TECR: variants seen among roughly 807,000 people sequenced by gnomAD.
The protein encoded by TECR is trans-2,3-enoyl-CoA reductase.
A neutral mutation model predicts 50.6 loss-of-function variants in TECR; 19 were observed. That is an observed-to-expected ratio of 0.38 (90% CI 0.26 to 0.55). The LOEUF (loss-of-function observed/expected upper bound fraction) is 0.55. Among genes scored for constraint, TECR ranks in the 20% least tolerant of loss-of-function variants. TECR has a pLI of 0.79. For missense variants in TECR, 313 were observed against 408.3 expected, an observed-to-expected ratio of 0.77 and a Z score of 2.01; for synonymous variants, 168 against 163.5, an observed-to-expected ratio of 1.03 and a Z score of -0.21.
rs544400801 is a variant in TECR at position 14,547,827 on chromosome 19, CT to C, written c.16-14694del. ...GGTGCATACCACCTACAGCCGGCTA[CT>C]TTTGTTTTTTTTTGGTAGAAATGGG... is the stretch of plus-strand genomic sequence containing the variant. On this transcript the variant is annotated intron_variant, in intron 1 of 12. Transcript: ENST00000215567. Among the ~76,000 whole-genome samples, 494 of 151,528 alleles carry C rather than the reference CT, an allele frequency of 3.3e-3. 4 individuals carry two copies. Among genetic ancestry groups the C allele is most frequent in the African/African-American group, 0.011 (460 of 41,286 alleles).
intron 1 of TECR, among the ~76,000 whole-genome samples, chr19:14,541,154 TC>T (rs2146574034): frequency 6.6e-6 from 1 of 152,266 alleles, no homozygotes; most frequent in East Asian, 1.9e-4. Flanking sequence ...AAAGGATTTT[TC>T]TTGGTAGAGA....
upstream of TECR, chr19:14,529,106 AG>A (rs1427279722): frequency 6.2e-6 from 1 of 160,640 alleles, no homozygotes; most frequent in African/African-American, 2.4e-5. Context: ...CCCACTCAAG[AG>A]TCTCCTCCCA....
At chr19:14,553,943 C>T (rs375113775) in intron 1 of TECR, among the ~76,000 whole-genome samples, 25 of 152,306 alleles carry the variant, frequency 1.6e-4, no homozygotes, top group Middle Eastern at 3.4e-3. Context: ...CCAGCCAGGC[C>T]TCTTGTGCCC....
intron 1 of TECR, among the ~76,000 whole-genome samples, chr19:14,550,382 C>T (rs955994444): frequency 6.6e-6 from 1 of 152,152 alleles, no homozygotes; most frequent in South Asian, 2.1e-4. Flanking sequence ...GGTGGACTAA[C>T]CTGTCTGCTG....
chr19:14,538,976 A>ATTT (rs869186799), intron 1 of TECR, among the ~76,000 whole-genome samples: 1 of 132,952 alleles, frequency 7.5e-6, no homozygotes, highest in Non-Finnish European at 1.6e-5. Flanking sequence ...TGCAAGTCAC[A>ATTT]TTTTTTTTTT....
At chr19:14,561,958 T>C (rs4926133) in intron 1 of TECR, 115,850 of 199,986 alleles carry the variant, frequency 0.58, 35,164 homozygotes, top group African/African-American at 0.77. Context: ...CACTCTCCTC[T>C]AGCCACTGGC....
intron 1 of TECR, among the ~76,000 whole-genome samples, chr19:14,545,567 C>T (rs1235695367): frequency 6.6e-6 from 1 of 152,232 alleles, no homozygotes; most frequent in Admixed American, 6.5e-5. Context: ...CCTTGGATCG[C>T]TGCCCGCACG....
chr19:14,534,817 G>T (rs143135005), intron 1 of TECR, among the ~76,000 whole-genome samples: 2 of 152,304 alleles, frequency 1.3e-5, no homozygotes, highest in East Asian at 3.9e-4. Context: ...GCTCAGAGAG[G>T]TAAACTAAGC....
At position 14,558,432 on chromosome 19, in the gene TECR, G is replaced by A. The variant is rs954247489; in HGVS notation, c.16-4093G>A. Reference sequence around the variant, plus strand: ...CTCCCTCTTGCAGGGTGCGCTTCACGCCGCACCGTGTGTCCTGGCTCTTGG... The same window carrying A: ...CTCCCTCTTGCAGGGTGCGCTTCACACCGCACCGTGTGTCCTGGCTCTTGG... On this transcript the variant is annotated intron_variant, in intron 1 of 12. Coordinates refer to ENST00000215567, the MANE Select transcript of TECR (RefSeq NM_138501.6). Among the ~76,000 whole-genome samples the A allele has an allele frequency of 3.3e-5, 5 of 152,120 alleles. No homozygotes were observed. In the East Asian group the frequency reaches 5.8e-4, roughly 18 times the overall value.
upstream of TECR, chr19:14,529,321 A>C (rs1487323089): frequency 2.4e-6 from 1 of 417,806 alleles, no homozygotes; most frequent in South Asian, 2.4e-5. Context: ...CTTGGTTTCC[A>C]CAGCGACGCC....
At position 14,564,756 on chromosome 19, in the gene TECR, A is replaced by G. The variant is rs755753669; in HGVS notation, c.490-30A>G. On this transcript the variant is annotated intron_variant, in intron 7 of 12. Coordinates refer to ENST00000215567, the MANE Select transcript of TECR (RefSeq NM_138501.6). ...CATCTGCCTTGTCCGGTGCTGGCCC[A>G]AGTCCCATCCCTGCCCTGCTCCCTT... 1.6e-5 allele frequency: 26 copies of G among 1,597,116 alleles called. 1 individual carries two copies. The Admixed American group carries it at 3.7e-4, about 23-fold the overall frequency.
intron 1 of TECR, among the ~76,000 whole-genome samples, chr19:14,534,962 C>G (rs559656157): frequency 5.9e-5 from 9 of 152,272 alleles, no homozygotes; most frequent in Admixed American, 1.3e-4. Flanking sequence ...GTTCTGAGGA[C>G]AGAGCATCCC....
At position 14,558,945 on chromosome 19, in the gene TECR, G is replaced by A. The variant is rs1599487074; in HGVS notation, c.16-3580G>A. The stretch of plus-strand genomic sequence containing the variant: ...CTCTGCAGCCCTGGGCTTCCCCTGG[G>A]AGCCCCTGCCCCCTGTTGGCCTCAG... On this transcript the variant is annotated intron_variant, in intron 1 of 12. Transcript: ENST00000215567. 2.0e-5 allele frequency among the ~76,000 whole-genome samples: 3 copies of A among 152,322 alleles called. No homozygotes were observed. In the Middle Eastern group the frequency reaches 0.01, roughly 518 times the overall value.
rs73927060 is a variant in TECR at position 14,556,855 on chromosome 19, C to T, written c.16-5670C>T. ...GGGCAGTGGGGAGCGTCGCAGCCTC[C>T]GCCGCTTGCAGCCAGTCATCCCGGT... On this transcript the variant is annotated intron_variant, in intron 1 of 12. Transcript: ENST00000215567. Among the ~76,000 whole-genome samples the T allele has an allele frequency of 3.6e-3, 543 of 152,258 alleles. 6 individuals carry two copies. The highest frequency in any genetic ancestry group is 0.012 in the African/African-American group (499 of 41,536).
Position 14,561,467 on chromosome 19 carries a change from C to A in TECR, c.16-1058C>A, listed in dbSNP as rs148220040. On this transcript the variant is annotated intron_variant, in intron 1 of 12. Coordinates refer to ENST00000215567, the MANE Select transcript of TECR (RefSeq NM_138501.6). The stretch of plus-strand genomic sequence containing the variant: ...CCCTCTGCACCCCCATCGTTCATCA[C>A]TGGCCTGGGGGCTCAGGGAGGGCTG... Among the ~76,000 whole-genome samples, 250 of 152,316 alleles carry A rather than the reference C, an allele frequency of 1.6e-3. 1 individual carries two copies. The highest frequency in any genetic ancestry group is 5.7e-3 in the African/African-American group (238 of 41,572).
intron 1 of TECR, among the ~76,000 whole-genome samples, chr19:14,549,754 C>G (rs1378502138): frequency 2.6e-5 from 4 of 152,002 alleles, no homozygotes; most frequent in Non-Finnish European, 5.9e-5. Context: ...ACGAGCCTGA[C>G]CAACATGGTG....
Position 14,563,131 on chromosome 19 carries a change from T to A in TECR, c.67-75T>A. On this transcript the variant is annotated intron_variant, in intron 2 of 12. Transcript: ENST00000215567. The surrounding 1 kb of genome is among the most constrained non-coding windows in gnomAD (Gnocchi z 5.3). ...CTACAGCCCAACCCCCAGCCTGCCA[T>A]CCCCTTTAGTACCTCCCCATCCTGA... The A allele has an allele frequency of 6.3e-7, 1 of 1,580,164 alleles. No homozygotes were observed. Among genetic ancestry groups the A allele is most frequent in the Non-Finnish European group, 8.7e-7 (1 of 1,152,586 alleles).
chr19:14,549,101 G>T (rs1024898267), intron 1 of TECR, among the ~76,000 whole-genome samples: 1 of 151,586 alleles, frequency 6.6e-6, no homozygotes, highest in African/African-American at 2.4e-5. Flanking sequence ...TTTTTAGTCG[G>T]TTCAAAAGCC....
At chr19:14,555,816 G>C (rs971313809) in intron 1 of TECR, among the ~76,000 whole-genome samples, 5 of 152,148 alleles carry the variant, frequency 3.3e-5, no homozygotes, top group African/African-American at 1.2e-4. Context: ...GAACTCCTGG[G>C]CTTAAGTGAT....
Sources: allele counts gnomAD v4.1 joint callset (sites outside exome capture counted in the v4.1 genomes callset), GRCh38; gene constraint gnomAD v4.1.1; non-coding constraint Gnocchi (gnomAD v3.1); transcripts MANE v1.5; gene names NCBI Gene and HGNC (gene_info 2026-07-23, HGNC 2026-07-21).